Variants in SHROOM3 observed in about 807,000 individuals in gnomAD.
SHROOM3 encodes protein Shroom3.
A neutral mutation model predicts 138.6 loss-of-function variants in SHROOM3; 47 were observed. That is an observed-to-expected ratio of 0.34 (90% CI 0.27 to 0.43). SHROOM3 has a LOEUF of 0.43. Among genes scored for constraint, SHROOM3 ranks in the 20% least tolerant of loss-of-function variants. SHROOM3 has a pLI of 1.00. For synonymous variants in SHROOM3, 1,062 were observed against 1,063.3 expected, an observed-to-expected ratio of 1.00 and a Z score of 0.02; for missense variants, 2,491 against 2,596.5, an observed-to-expected ratio of 0.96 and a Z score of 0.88.
rs949372267 is a variant in SHROOM3 at position 76,573,012 on chromosome 4, G to A, written c.323+17249G>A. Among the ~76,000 whole-genome samples the A allele has an allele frequency of 3.3e-5, 5 of 151,664 alleles. No individual in the cohort carries two copies. In the South Asian group the frequency reaches 1.0e-3, roughly 32 times the overall value. On this transcript the variant is annotated intron_variant, in intron 2 of 10. Coordinates refer to ENST00000296043, the MANE Select transcript of SHROOM3 (RefSeq NM_020859.4). Reference sequence around the variant, plus strand: ...CAGGAGAATTGCTTGAACCCAAGAGGAGAGGTTGCAGTGAGCTGAGATTGC... The same window carrying A: ...CAGGAGAATTGCTTGAACCCAAGAGAAGAGGTTGCAGTGAGCTGAGATTGC...
rs950241062 is a variant in SHROOM3, at chr4:76,738,832, A to G, written c.659A>G (p.Gln220Arg). Reference sequence around the variant, plus strand: ...CGGAGCCCTGACCAGTGCAGCTCCCAGGGGAGCATGGAGAGCCTGGAGCCC... The same window carrying G: ...CGGAGCCCTGACCAGTGCAGCTCCCGGGGGAGCATGGAGAGCCTGGAGCCC... ...LRRSPDQCSS[Q>R]GSMESLEPSG... The change falls in exon 5 of 11, where the codon CAG (glutamine) becomes CGG (arginine). Residue 220 changes from glutamine to arginine, a missense_variant. Gln to Arg is a conservative substitution (Grantham distance 43, BLOSUM62 1). Coordinates refer to ENST00000296043, the MANE Select transcript of SHROOM3 (RefSeq NM_020859.4). 5.0e-6 allele frequency: 8 copies of G among 1,613,930 alleles called. No individual in the cohort carries two copies. The highest frequency in any genetic ancestry group is 1.3e-5 in the African/African-American group (1 of 74,952).
intron 1 of SHROOM3, among the ~76,000 whole-genome samples, chr4:76,453,301 CAG>C (rs1730962746): frequency 6.6e-6 from 1 of 150,830 alleles, no homozygotes; most frequent in African/African-American, 2.4e-5. Context: ...TTTTAAGAGA[CAG>C]GGTCTTGCTC....
intron 1 of SHROOM3, among the ~76,000 whole-genome samples, chr4:76,441,240 G>T (rs1296393318): frequency 2.0e-5 from 3 of 151,400 alleles, no homozygotes; most frequent in African/African-American, 7.3e-5. Flanking sequence ...GACTACAGGC[G>T]CCTGCCACAC....
chr4:76,734,439 G>T (rs1720969617), intron 4 of SHROOM3, among the ~76,000 whole-genome samples: 1 of 151,576 alleles, frequency 6.6e-6, no homozygotes, highest in Admixed American at 6.6e-5. Flanking sequence ...AGGAATTAGT[G>T]TTCTGTGAGC....
chr4:76,622,236 T>C (rs1468494769), intron 2 of SHROOM3, among the ~76,000 whole-genome samples: 1 of 152,138 alleles, frequency 6.6e-6, no homozygotes, highest in East Asian at 1.9e-4. Context: ...AGGCACTTTT[T>C]CTTTGTGAAT....
chr4:76,636,805 C>G (rs4543144), intron 2 of SHROOM3, among the ~76,000 whole-genome samples: 53,779 of 152,118 alleles, frequency 0.35, 9,964 homozygotes, highest in East Asian at 0.51. Context: ...CACCTTTCAC[C>G]CTGAGCTGCT....
At chr4:76,699,483 G>C (rs1225737447) in intron 2 of SHROOM3, among the ~76,000 whole-genome samples, 1 of 152,314 alleles carries the variant, frequency 6.6e-6, no homozygotes, top group African/African-American at 2.4e-5. Context: ...ACATGAAAAT[G>C]ACTTGCTCAT....
chr4:76,541,446 T>A (rs1733095016), intron 1 of SHROOM3, among the ~76,000 whole-genome samples: 1 of 152,184 alleles, frequency 6.6e-6, no homozygotes, highest in South Asian at 2.1e-4. Context: ...GAGGCATGGC[T>A]GGGGGCCAGC....
chr4:76,716,172 T>C (rs754690604), intron 3 of SHROOM3: 38 of 394,462 alleles, frequency 9.6e-5, no homozygotes, highest in African/African-American at 1.9e-4. Flanking sequence ...TGAATTTTAA[T>C]TGGCCAATTT....
chr4:76,548,127 A>C (rs1013321944), intron 1 of SHROOM3, among the ~76,000 whole-genome samples: 1 of 152,168 alleles, frequency 6.6e-6, no homozygotes, highest in East Asian at 1.9e-4. Flanking sequence ...CCCTGGGGGA[A>C]AAGCATTCCA....
chr4:76,657,168 ACTCTCTCTCT>A (rs369556375), intron 2 of SHROOM3, among the ~76,000 whole-genome samples: 2 of 143,622 alleles, frequency 1.4e-5, no homozygotes, highest in African/African-American at 5.1e-5. Flanking sequence ...CAAGAGCGAA[ACTCTCTCTCT>A]CTCTCTCTCT....
At chr4:76,629,519 T>C (rs1735250462) in intron 2 of SHROOM3, among the ~76,000 whole-genome samples, 1 of 152,208 alleles carries the variant, frequency 6.6e-6, no homozygotes, top group African/African-American at 2.4e-5. Context: ...ACTCTGGCTA[T>C]GAAGACTGGA....
chr4:76,647,664 G>T (rs1212825900), intron 2 of SHROOM3, among the ~76,000 whole-genome samples: 1 of 151,998 alleles, frequency 6.6e-6, no homozygotes, highest in East Asian at 1.9e-4. Context: ...AGAGGCCAAG[G>T]CAGGCAGATC....
intron 2 of SHROOM3, among the ~76,000 whole-genome samples, chr4:76,557,923 T>G (rs978529254): frequency 2.0e-5 from 3 of 152,178 alleles, no homozygotes; most frequent in African/African-American, 4.8e-5. Flanking sequence ...AACATGGGGC[T>G]GATGTTTCAA....
intron 1 of SHROOM3, among the ~76,000 whole-genome samples, chr4:76,466,399 A>C (rs1198479609): frequency 6.6e-6 from 1 of 152,192 alleles, no homozygotes; most frequent in East Asian, 1.9e-4. Flanking sequence ...TTGCCCTGTG[A>C]ATTTTCAAGA....
At chr4:76,767,965 T>A (rs1476135976) in intron 9 of SHROOM3, among the ~76,000 whole-genome samples, 3 of 152,214 alleles carry the variant, frequency 2.0e-5, no homozygotes, top group Non-Finnish European at 4.4e-5. Context: ...GAAATTTGAA[T>A]GAGCTGAAGG....
intron 2 of SHROOM3, among the ~76,000 whole-genome samples, chr4:76,682,023 C>G (rs1719215094): frequency 1.3e-5 from 2 of 152,172 alleles, no homozygotes; most frequent in African/African-American, 4.8e-5. Context: ...TAACTCCCCT[C>G]CACTTTCCCT....
intron 1 of SHROOM3, among the ~76,000 whole-genome samples, chr4:76,510,397 T>TTC (rs1267592918): frequency 6.6e-6 from 1 of 152,208 alleles, no homozygotes; most frequent in African/African-American, 2.4e-5. Context: ...TGAGTTTGAG[T>TTC]TCTCTCTCTG....
In SHROOM3 at chr4:76,710,297, A is replaced by G. The variant is rs1264828185; in HGVS notation, c.455+10A>G. ...TTCGGCTGAAGCACAGGTAAGACGC[A>G]CGGAAGTTGGTGCTGGCAGTTCGGA... On this transcript the variant is annotated intron_variant, in intron 3 of 10. Transcript: ENST00000296043. 15 of 1,613,842 alleles carry G rather than the reference A, an allele frequency of 9.3e-6. No homozygotes were observed. In the East Asian group the frequency reaches 3.1e-4, roughly 34 times the overall value.
Sources: gnomAD v4.1 joint callset for allele counts (sites outside exome capture counted in the v4.1 genomes callset) on GRCh38, gnomAD v4.1.1 for gene constraint, MANE v1.5 for transcripts, NCBI Gene and HGNC (gene_info 2026-07-23, HGNC 2026-07-21) for gene names.